SFXN5: variants seen among roughly 807,000 people sequenced by gnomAD.
SFXN5 encodes sideroflexin 5.
Under a neutral mutation model 50.2 loss-of-function variants are expected in SFXN5, and 43 were observed. The ratio of observed to expected loss-of-function variants is 0.86; its 90% CI spans 0.67 to 1.11. The LOEUF (loss-of-function observed/expected upper bound fraction) is 1.11, where lower values mean the gene tolerates loss of function less well. SFXN5 is among the 50% of genes least tolerant of loss of function. SFXN5 has a pLI of 0.00. For missense variants in SFXN5, 463 were observed against 454.1 expected (o/e 1.02, Z -0.18); for synonymous variants, 203 against 185.8 (o/e 1.09, Z -0.75).
intron 2 of SFXN5, among the ~76,000 whole-genome samples, chr2:73,050,903 A>G (rs934403317): frequency 6.6e-6 from 1 of 152,178 alleles, no homozygotes; most frequent in Non-Finnish European, 1.5e-5. Context: ...CGCTCTTCTT[A>G]CGTTTTACTA....
chr2:73,005,920 G>C (rs1426326529), intron 6 of SFXN5, among the ~76,000 whole-genome samples: 1 of 151,986 alleles, frequency 6.6e-6, no homozygotes, highest in Non-Finnish European at 1.5e-5. Flanking sequence ...TAATTGCAGG[G>C]GGTGGGGGTG....
At chr2:73,016,016 T>C (rs1676107297) in intron 6 of SFXN5, among the ~76,000 whole-genome samples, 1 of 152,192 alleles carries the variant, frequency 6.6e-6, no homozygotes, top group African/African-American at 2.4e-5. Context: ...CCCAGAAATG[T>C]ATTCATTTCT....
In SFXN5 at chr2:73,051,766, TC is replaced by T. The variant is rs1681367098; in HGVS notation, c.171+6761del. 3.3e-5 allele frequency among the ~76,000 whole-genome samples: 5 copies of T among 152,270 alleles called. No individual in the cohort carries two copies. In the South Asian group the frequency reaches 1.0e-3, roughly 32 times the overall value. On this transcript the variant is annotated intron_variant, in intron 2 of 13. Transcript: ENST00000272433. ...TTCTCACAGTTCTGGAGGCTGGAAG[TC>T]CAAGATCAAGGAACCAGCATTCAGT... is the stretch of plus-strand genomic sequence containing the variant.
chr2:73,031,072 T>C (rs1678238551), intron 3 of SFXN5, among the ~76,000 whole-genome samples: 1 of 152,240 alleles, frequency 6.6e-6, no homozygotes, highest in African/African-American at 2.4e-5. Context: ...AAGCCCTTTA[T>C]TGACCCTTAT....
chr2:73,021,864 T>C (rs1559165575), intron 5 of SFXN5, among the ~76,000 whole-genome samples: 1 of 152,172 alleles, frequency 6.6e-6, no homozygotes, highest in Non-Finnish European at 1.5e-5. Flanking sequence ...CATGCCAGCC[T>C]AGCTCGTGTA....
intron 3 of SFXN5, among the ~76,000 whole-genome samples, chr2:73,024,383 A>C (rs1420973503): frequency 6.6e-6 from 1 of 152,224 alleles, no homozygotes; most frequent in Non-Finnish European, 1.5e-5. Context: ...GGGGCCAGGC[A>C]CAGTGGCTCA....
Position 72,975,566 on chromosome 2 carries a change from T to TA in SFXN5, c.626-3882dup, listed in dbSNP as rs143768846. ...TGCACCTTCCCATATTTTAATGTTT[T>TA]AAAAATCATAATGTGCCTTACAATG... On this transcript the variant is annotated intron_variant, in intron 10 of 13. Coordinates refer to ENST00000272433, the MANE Select transcript of SFXN5 (RefSeq NM_144579.3). 9.3e-3 allele frequency among the ~76,000 whole-genome samples: 1,409 copies of TA among 152,316 alleles called. 17 individuals carry two copies. Among genetic ancestry groups the TA allele is most frequent in the African/African-American group, 0.032 (1,324 of 41,560 alleles).
chr2:72,996,459 G>A (rs914537315), intron 9 of SFXN5: 2 of 152,772 alleles, frequency 1.3e-5, no homozygotes, highest in East Asian at 1.9e-4. Context: ...GGGGCAGTGA[G>A]GACTGGACAC....
intron 6 of SFXN5, 121 bp from the exon 7 acceptor site, chr2:73,001,699 G>A (rs1386683819): frequency 8.4e-6 from 8 of 951,314 alleles, no homozygotes; most frequent in East Asian, 5.1e-5. Context: ...GTGGTATGCC[G>A]TGTACATACA....
intron 1 of SFXN5, among the ~76,000 whole-genome samples, chr2:73,062,659 A>C (rs1450948130): frequency 6.6e-6 from 1 of 152,316 alleles, no homozygotes; most frequent in South Asian, 2.1e-4. Flanking sequence ...CAGACACCAA[A>C]TGAACAAGCC....
intron 12 of SFXN5, chr2:72,967,162 C>A (rs1674514722): frequency 6.6e-6 from 1 of 152,218 alleles, no homozygotes; most frequent in Non-Finnish European, 1.5e-5. Context: ...ATTATACTTA[C>A]CTTATTATGC....
intron 6 of SFXN5, among the ~76,000 whole-genome samples, chr2:73,007,989 T>C (rs1204629463): frequency 1.3e-5 from 2 of 152,128 alleles, no homozygotes; most frequent in Non-Finnish European, 2.9e-5. Flanking sequence ...GGTCTGGTAA[T>C]GCTGGAGGAA....
chr2:73,062,666 A>T (rs539805738), intron 1 of SFXN5, among the ~76,000 whole-genome samples: 16 of 152,360 alleles, frequency 1.1e-4, no homozygotes, highest in Admixed American at 3.9e-4. Context: ...CAAATGAACA[A>T]GCCCTCAAAG....
intron 2 of SFXN5, among the ~76,000 whole-genome samples, chr2:73,045,164 G>C (rs886453568): frequency 2.0e-5 from 3 of 152,210 alleles, no homozygotes; most frequent in South Asian, 2.1e-4. Flanking sequence ...CTGGGGCCAA[G>C]AGGGAAAGGT....
intron 11 of SFXN5, among the ~76,000 whole-genome samples, chr2:72,969,056 C>T (rs535825015): frequency 9.3e-4 from 142 of 152,260 alleles, no homozygotes; most frequent in Non-Finnish European, 1.6e-4. Flanking sequence ...GATCCGCCCG[C>T]CTCAGCATCC....
At chr2:72,975,944 T>C (rs1231981735) in intron 10 of SFXN5, among the ~76,000 whole-genome samples, 1 of 152,230 alleles carries the variant, frequency 6.6e-6, no homozygotes, top group Non-Finnish European at 1.5e-5. Context: ...ATGTTAATTA[T>C]AGCACTGTTT....
intron 10 of SFXN5, among the ~76,000 whole-genome samples, chr2:72,972,233 C>G (rs987867868): frequency 2.0e-5 from 3 of 152,212 alleles, no homozygotes; most frequent in Non-Finnish European, 4.4e-5. Flanking sequence ...ACCCCCTCAT[C>G]ATATGGATGG....
Position 72,977,528 on chromosome 2 carries a change from A to G in SFXN5, c.626-5843T>C, listed in dbSNP as rs146798065. Among the ~76,000 whole-genome samples the G allele has an allele frequency of 1.5e-3, 232 of 152,312 alleles. 1 individual carries two copies. The highest frequency in any genetic ancestry group is 5.2e-3 in the African/African-American group (215 of 41,554). ...AAAAAAATCTGCAGGAGTTCTTTAT[A>G]GGTTTTGGAGGCTAAACCTCATTGG... On this transcript the variant is annotated intron_variant, in intron 10 of 13. Coordinates refer to ENST00000272433, the MANE Select transcript of SFXN5 (RefSeq NM_144579.3).
At position 72,942,420 on chromosome 2, in the gene SFXN5, G is replaced by A. The variant is rs1001869729; in HGVS notation, c.*2602C>T. 1 of 152,508 alleles carries A rather than the reference G, an allele frequency of 6.6e-6. No individual in the cohort carries two copies. Among genetic ancestry groups the A allele is most frequent in the Non-Finnish European group, 1.5e-5 (1 of 68,188 alleles). 9.4% of individuals were successfully genotyped at this position (152,508 alleles called of 1,614,324 possible). A position where few individuals can be genotyped will look rare whatever the true frequency, so the allele number is the denominator to read the frequency against. ...CCTGAGGGCATGTTTGAAGTGACCA[G>A]AGGAGGGCCAGGCAGGGACACCAGG... On this transcript the variant is annotated 3_prime_UTR_variant, in exon 14 of 14. Coordinates refer to ENST00000272433, the MANE Select transcript of SFXN5 (RefSeq NM_144579.3).
Sources: gnomAD v4.1 joint callset for allele counts (sites outside exome capture counted in the v4.1 genomes callset) on GRCh38, gnomAD v4.1.1 for gene constraint, MANE v1.5 for transcripts, NCBI Gene and HGNC (gene_info 2026-07-23, HGNC 2026-07-21) for gene names.